ALK: variants seen among roughly 807,000 people sequenced by gnomAD.
The protein encoded by ALK is ALK receptor tyrosine kinase.
Under a neutral mutation model 163.1 loss-of-function variants are expected in ALK, and 74 were observed. The observed-to-expected ratio is 0.45, with a 90% CI of 0.38 to 0.55. ALK has a LOEUF of 0.55. Among genes scored for constraint, ALK ranks in the 20% least tolerant of loss-of-function variants. The pLI is 0.00. For missense variants in ALK, 2,063 were observed against 2,105.3 expected (o/e 0.98, Z 0.39); for synonymous variants, 960 against 843.2 (o/e 1.14, Z -2.40).
intron 9 of ALK, among the ~76,000 whole-genome samples, chr2:29,284,926 C>T (rs1024736238): frequency 1.3e-5 from 2 of 152,216 alleles, no homozygotes; most frequent in African/African-American, 2.4e-5. Flanking sequence ...CAATCTCGTT[C>T]AGGCAACAGG....
chr2:29,832,815 G>C (rs1665455581), intron 1 of ALK, among the ~76,000 whole-genome samples: 1 of 152,202 alleles, frequency 6.6e-6, no homozygotes. Flanking sequence ...CATGAATCAA[G>C]TAAGAATAGA....
At chr2:29,642,081 G>A (rs4619560) in intron 3 of ALK, among the ~76,000 whole-genome samples, 2 of 152,116 alleles carry the variant, frequency 1.3e-5, no homozygotes, top group African/African-American at 4.8e-5. Flanking sequence ...CAAAAGTCTA[G>A]GACACTGCTT....
chr2:29,210,632 C>T (rs1669440851), intron 24 of ALK, among the ~76,000 whole-genome samples: 1 of 152,158 alleles, frequency 6.6e-6, no homozygotes, highest in Non-Finnish European at 1.5e-5. Flanking sequence ...CAGGGTTTCA[C>T]CAAGTTGGCC....
chr2:29,417,952 C>G (rs775760535), intron 4 of ALK, among the ~76,000 whole-genome samples: 1 of 152,162 alleles, frequency 6.6e-6, no homozygotes, highest in South Asian at 2.1e-4. Flanking sequence ...TTATTTTCTG[C>G]GAATACAGTT....
chr2:29,689,792 G>A lies in ALK; in HGVS notation c.952+5058C>T, dbSNP rs548187890. ...TGGACTTAAGGTGGGCCTTCAATCC[G>A]ATAACACATGTCCCGTTAAGATACA... On this transcript the variant is annotated intron_variant, in intron 3 of 28. Coordinates refer to ENST00000389048, the MANE Select transcript of ALK (RefSeq NM_004304.5). Among the ~76,000 whole-genome samples, 9 of 152,304 alleles carry A rather than the reference G, an allele frequency of 5.9e-5. No individual in the cohort carries two copies. In the South Asian group the frequency reaches 6.2e-4, roughly 11 times the overall value.
At chr2:29,231,562 G>T (rs1664208967) in intron 15 of ALK, among the ~76,000 whole-genome samples, 1 of 152,034 alleles carries the variant, frequency 6.6e-6, no homozygotes, top group Non-Finnish European at 1.5e-5. Context: ...CGTCACTGGA[G>T]ATCCTCAGGG....
chr2:29,476,275 C>T (rs1293528719), intron 4 of ALK, among the ~76,000 whole-genome samples: 1 of 152,320 alleles, frequency 6.6e-6, no homozygotes. Context: ...GTTCTAGGCA[C>T]TGCACTAAGC....
intron 1 of ALK, among the ~76,000 whole-genome samples, chr2:29,786,776 T>TTTTG (rs918502629): frequency 3.3e-5 from 5 of 152,244 alleles, no homozygotes; most frequent in Non-Finnish European, 7.4e-5. Context: ...TGGGAGTTTT[T>TTTTG]TTTGTTTGTT....
At chr2:29,453,634 A>G (rs2148094841) in intron 4 of ALK, among the ~76,000 whole-genome samples, 1 of 152,316 alleles carries the variant, frequency 6.6e-6, no homozygotes, top group East Asian at 1.9e-4. Flanking sequence ...CATAGTAGAT[A>G]TTAAATATTT....
intron 1 of ALK, among the ~76,000 whole-genome samples, chr2:29,720,941 G>A (rs561240016): frequency 6.6e-6 from 1 of 152,242 alleles, no homozygotes; most frequent in South Asian, 2.1e-4. Flanking sequence ...CAGACCAACT[G>A]GCTCAAGTAG....
chr2:29,603,509 A>G (rs962986882), intron 3 of ALK, among the ~76,000 whole-genome samples: 5 of 152,098 alleles, frequency 3.3e-5, no homozygotes, highest in African/African-American at 9.7e-5. Flanking sequence ...TGTTAATGCC[A>G]GTTAGTTGTG....
At chr2:29,832,725 A>C (rs1331942585) in intron 1 of ALK, among the ~76,000 whole-genome samples, 1 of 152,222 alleles carries the variant, frequency 6.6e-6, no homozygotes, top group Non-Finnish European at 1.5e-5. Flanking sequence ...TCCAGCCTAC[A>C]AATACTTAGG....
At chr2:29,525,235 G>A (rs781097531) in intron 4 of ALK, among the ~76,000 whole-genome samples, 1 of 152,178 alleles carries the variant, frequency 6.6e-6, no homozygotes, top group Admixed American at 6.5e-5. Flanking sequence ...TCACTAGCCT[G>A]TCCACCCATA....
chr2:29,239,909 TG>T, intron 12 of ALK, 79 bp from the exon 13 acceptor site: 1 of 1,527,610 alleles, frequency 6.5e-7, no homozygotes, highest in South Asian at 1.2e-5. Context: ...CAGCTTCCAG[TG>T]GGCTAAGCAC....
chr2:29,771,024 CA>C (rs1681007982), intron 1 of ALK, among the ~76,000 whole-genome samples: 1 of 151,948 alleles, frequency 6.6e-6, no homozygotes, highest in African/African-American at 2.4e-5. Flanking sequence ...CAAATACACA[CA>C]AACACAAACA....
chr2:29,327,993 G>A (rs1319150055), intron 6 of ALK, among the ~76,000 whole-genome samples: 1 of 152,144 alleles, frequency 6.6e-6, no homozygotes, highest in East Asian at 1.9e-4. Context: ...AGAGGATGAG[G>A]GGCAGGTGGG....
intron 4 of ALK, among the ~76,000 whole-genome samples, chr2:29,458,442 G>A (rs146146464): frequency 6.6e-6 from 1 of 152,166 alleles, no homozygotes; most frequent in Non-Finnish European, 1.5e-5. Flanking sequence ...CCAATGCTCT[G>A]GGCTAAGGAG....
intron 4 of ALK, among the ~76,000 whole-genome samples, chr2:29,483,525 C>T (rs1311044622): frequency 2.6e-5 from 4 of 152,216 alleles, no homozygotes; most frequent in Non-Finnish European, 5.9e-5. Context: ...TCAAATGATT[C>T]ATGTGCACAT....
At chr2:29,397,795 G>C (rs1244891167) in intron 4 of ALK, among the ~76,000 whole-genome samples, 1 of 152,176 alleles carries the variant, frequency 6.6e-6, no homozygotes, top group Non-Finnish European at 1.5e-5. Flanking sequence ...AATGATACTA[G>C]GAAGTGTTTG....
Sources: gnomAD v4.1 joint callset for allele counts (sites outside exome capture counted in the v4.1 genomes callset) on GRCh38, gnomAD v4.1.1 for gene constraint, MANE v1.5 for transcripts, NCBI Gene and HGNC (gene_info 2026-07-23, HGNC 2026-07-21) for gene names.